The following RFX3 variants were observed in gnomAD, a reference collection of about 807,000 sequenced individuals.
RFX3 encodes regulatory factor X3.
In RFX3, 14 loss-of-function variants were observed where a neutral mutation model predicts 98.6. The observed-to-expected ratio is 0.14, with a 90% CI of 0.09 to 0.22. The LOEUF is 0.22. Among genes scored for constraint, RFX3 ranks in the 10% least tolerant of loss-of-function variants. The pLI, the probability that RFX3 is intolerant of heterozygous loss-of-function variation, is 1.00. For synonymous variants in RFX3, 383 were observed against 328.4 expected (o/e 1.17, Z -1.80); for missense variants, 639 against 926.9 (o/e 0.69, Z 4.03).
chr9:3,270,489 T>C lies in RFX3; in HGVS notation c.1239A>G (p.Ala413=), dbSNP rs374482692. The C allele has an allele frequency of 3.7e-6, 6 of 1,613,512 alleles. No homozygotes were observed. The African/African-American group carries it at 8.0e-5, about 22-fold the overall frequency. The change falls in exon 11 of 17, where the codon GCA becomes GCG. Residue 413 remains alanine (A), a synonymous_variant. Coordinates refer to ENST00000617270, the MANE Select transcript of RFX3 (RefSeq NM_001282116.2). ...LSEIESRLPK[A]KLITLCKHES... ...CATGTTTGCACAGAGTTATCAGCTT[T>C]GCTTTCGGAAGTCGACTTTCTATTT...
At chr9:3,280,106 A>T (rs896246412) in intron 7 of RFX3, among the ~76,000 whole-genome samples, 1 of 151,826 alleles carries the variant, frequency 6.6e-6, no homozygotes, top group Non-Finnish European at 1.5e-5. Flanking sequence ...TGAATAGTGG[A>T]TTGAAAGATG....
Position 3,293,217 on chromosome 9 carries a change from C to G in RFX3, c.591G>C (p.Val197=). 6.2e-7 allele frequency: 1 copy of G among 1,610,772 alleles called. No homozygotes were observed. Among genetic ancestry groups the G allele is most frequent in the South Asian group, 1.1e-5 (1 of 90,368 alleles). The stretch of plus-strand genomic sequence containing the variant: ...TGTACAGAGTGCTTCTGGGAAGGCT[C>G]ACTCCTTCTGCTGTCTCATAATTGT... ...LLDNYETAEG[V]SLPRSTLYNH... The change falls in exon 6 of 17, where the codon GTG becomes GTC. Residue 197 remains valine, a synonymous_variant. Transcript: ENST00000617270.
chr9:3,260,044 T>C (rs959566140), intron 13 of RFX3, among the ~76,000 whole-genome samples: 3 of 151,494 alleles, frequency 2.0e-5, no homozygotes, highest in African/African-American at 4.8e-5. Context: ...CTGGCAAAAC[T>C]AGGAAAAGAA....
chr9:3,517,749 T>C (rs1818315425), intron 1 of RFX3, among the ~76,000 whole-genome samples: 1 of 152,226 alleles, frequency 6.6e-6, no homozygotes, highest in Admixed American at 6.5e-5. Context: ...GGGAGCCTTC[T>C]GAATCAAAAC....
At chr9:3,482,443 C>T (rs193229700) in intron 1 of RFX3, among the ~76,000 whole-genome samples, 294 of 152,146 alleles carry the variant, frequency 1.9e-3, no homozygotes, top group Middle Eastern at 3.4e-3. Flanking sequence ...TTTCTTTGTA[C>T]GTTTCTGTAT....
At chr9:3,457,131 C>G (rs775607592) in intron 1 of RFX3, among the ~76,000 whole-genome samples, 28 of 100,212 alleles carry the variant, frequency 2.8e-4, no homozygotes, top group Non-Finnish European at 4.2e-4. Context: ...CAGGGCGAGA[C>G]TCCATCTCAA....
At chr9:3,265,390 C>T (rs1302572012) in intron 12 of RFX3, among the ~76,000 whole-genome samples, 1 of 152,156 alleles carries the variant, frequency 6.6e-6, no homozygotes, top group Admixed American at 6.6e-5. Context: ...GAACTGGAGG[C>T]TACTTATGTT....
chr9:3,306,077 A>T (rs1273984609), intron 4 of RFX3, among the ~76,000 whole-genome samples: 1 of 152,082 alleles, frequency 6.6e-6, no homozygotes, highest in African/African-American at 2.4e-5. Context: ...GTTTTACCAC[A>T]ATACTCATGA....
At chr9:3,398,368 C>G (rs1841115856) in intron 1 of RFX3, among the ~76,000 whole-genome samples, 1 of 151,706 alleles carries the variant, frequency 6.6e-6, no homozygotes, top group Non-Finnish European at 1.5e-5. Flanking sequence ...AAAAAGAAAG[C>G]AAAAGCCAGG....
chr9:3,282,121 G>C (rs534053779), intron 7 of RFX3, among the ~76,000 whole-genome samples: 1 of 151,794 alleles, frequency 6.6e-6, no homozygotes, highest in South Asian at 2.1e-4. Flanking sequence ...TTTTCTACTG[G>C]AATCTTGTAA....
intron 3 of RFX3, among the ~76,000 whole-genome samples, chr9:3,337,924 C>T (rs1833378840): frequency 6.6e-6 from 1 of 152,162 alleles, no homozygotes; most frequent in Admixed American, 6.5e-5. Context: ...TATTTGGAAT[C>T]TTCAACAAAG....
At chr9:3,346,228 G>GAAT (rs1313113568) in intron 3 of RFX3, among the ~76,000 whole-genome samples, 1 of 152,102 alleles carries the variant, frequency 6.6e-6, no homozygotes, top group Non-Finnish European at 1.5e-5. Flanking sequence ...TTTTTATGTG[G>GAAT]AATATCTCAT....
At chr9:3,414,646 A>ATATATATGTATATATGAG (rs1462812223) in intron 1 of RFX3, among the ~76,000 whole-genome samples, 1 of 138,240 alleles carries the variant, frequency 7.2e-6, no homozygotes, top group African/African-American at 2.7e-5. Context: ...ATATATGAGT[A>ATATATATGTATATATGAG]TATATATGTA....
intron 1 of RFX3, among the ~76,000 whole-genome samples, chr9:3,443,823 C>CGAT: frequency 6.6e-6 from 1 of 152,264 alleles, no homozygotes; most frequent in East Asian, 1.9e-4. Context: ...CTCCCACCAA[C>CGAT]GATGTAAAAG....
Position 3,230,647 on chromosome 9 carries a change from G to T in RFX3, c.1969-1758C>A, listed in dbSNP as rs181077182. ...AAACAGAGAATGTTCAAAACTGAAGGATCATTTAACAGTTATTACTAACTG... is the reference window on the plus strand; with the variant it reads ...AAACAGAGAATGTTCAAAACTGAAGTATCATTTAACAGTTATTACTAACTG... On this transcript the variant is annotated intron_variant, in intron 15 of 16. Transcript: ENST00000617270. 1.6e-3 allele frequency among the ~76,000 whole-genome samples: 236 copies of T among 152,170 alleles called. 1 individual carries two copies. The highest frequency in any genetic ancestry group is 5.5e-3 in the African/African-American group (228 of 41,538).
At chr9:3,259,618 G>T (rs1338863104) in intron 13 of RFX3, among the ~76,000 whole-genome samples, 1 of 151,582 alleles carries the variant, frequency 6.6e-6, no homozygotes, top group Admixed American at 6.6e-5. Context: ...TCAGCCCACC[G>T]AAAGCTATTT....
intron 1 of RFX3, among the ~76,000 whole-genome samples, chr9:3,423,778 C>CATATATATATATACAT (rs1554704305): frequency 1.1e-4 from 12 of 111,044 alleles, no homozygotes; most frequent in African/African-American, 3.8e-4. Flanking sequence ...TATATATTTT[C>CATATATATATATACAT]ATATATATAT....
intron 4 of RFX3, among the ~76,000 whole-genome samples, chr9:3,326,935 A>G (rs554132790): frequency 2.0e-5 from 3 of 152,320 alleles, no homozygotes; most frequent in African/African-American, 7.2e-5. Context: ...TTCTCAGTCA[A>G]GAATTTCGGC....
chr9:3,480,254 A>G (rs937898836), intron 1 of RFX3, among the ~76,000 whole-genome samples: 10 of 152,214 alleles, frequency 6.6e-5, no homozygotes, highest in African/African-American at 2.4e-4. Flanking sequence ...CAGCTAGGAT[A>G]CTAGCATGGC....
Sources: gnomAD v4.1 joint callset for allele counts (sites outside exome capture counted in the v4.1 genomes callset) on GRCh38, gnomAD v4.1.1 for gene constraint, MANE v1.5 for transcripts, NCBI Gene and HGNC (gene_info 2026-07-23, HGNC 2026-07-21) for gene names.